Variants in PDE10A observed in about 807,000 individuals in gnomAD.
PDE10A encodes phosphodiesterase 10A.
In PDE10A, 39 loss-of-function variants were observed where a neutral mutation model predicts 97.7. That is an observed-to-expected ratio of 0.40 (90% CI 0.31 to 0.52). The LOEUF (loss-of-function observed/expected upper bound fraction) is 0.52, where lower values mean the gene tolerates loss of function less well. Ranked by LOEUF, PDE10A falls within the 20% of genes least tolerant of loss-of-function variation. The pLI, the probability that PDE10A is intolerant of heterozygous loss-of-function variation, is 0.56. For missense variants in PDE10A, 731 were observed against 1,047.8 expected (o/e 0.70, Z 4.17); for synonymous variants, 371 against 376.8 (o/e 0.98, Z 0.18).
At chr6:165,912,531 G>A (rs990675159) in intron 1 of PDE10A, among the ~76,000 whole-genome samples, 10 of 152,146 alleles carry the variant, frequency 6.6e-5, no homozygotes, top group Non-Finnish European at 1.3e-4. Context: ...GCATTTTCTT[G>A]CCTTTGATGG....
chr6:165,846,087 C>A (rs1013986385), intron 1 of PDE10A, among the ~76,000 whole-genome samples: 2 of 152,204 alleles, frequency 1.3e-5, no homozygotes, highest in African/African-American at 4.8e-5. Context: ...TTTTTGTCAT[C>A]TTTTTGGCAA....
upstream of PDE10A, among the ~76,000 whole-genome samples, chr6:165,667,299 T>C (rs951516156): frequency 6.6e-6 from 1 of 152,180 alleles, no homozygotes; most frequent in African/African-American, 2.4e-5. Context: ...GGTGCACGCA[T>C]TACCCAAGCA....
intron 1 of PDE10A, among the ~76,000 whole-genome samples, chr6:165,684,933 G>A (rs897809834): frequency 2.6e-5 from 4 of 152,196 alleles, no homozygotes; most frequent in Admixed American, 6.5e-5. Flanking sequence ...GTGAGACGTC[G>A]ACTTGACTTC....
At chr6:165,357,854 T>C (rs1783132189) in intron 18 of PDE10A, among the ~76,000 whole-genome samples, 1 of 152,120 alleles carries the variant, frequency 6.6e-6, no homozygotes, top group Admixed American at 6.6e-5. Context: ...TATTGCTCTC[T>C]TATCCAGATT....
At chr6:165,753,206 T>C (rs570707155) in intron 1 of PDE10A, among the ~76,000 whole-genome samples, 2 of 152,342 alleles carry the variant, frequency 1.3e-5, no homozygotes, top group East Asian at 3.9e-4. Flanking sequence ...CAAAACAGTT[T>C]AGCCATTAGA....
At chr6:165,715,787 G>A (rs774776638) in intron 1 of PDE10A, among the ~76,000 whole-genome samples, 5 of 152,134 alleles carry the variant, frequency 3.3e-5, no homozygotes, top group Middle Eastern at 3.2e-3. Flanking sequence ...TCCCTCTTCC[G>A]GGCACCGTGG....
At chr6:165,722,981 G>A (rs964578182) in intron 1 of PDE10A, among the ~76,000 whole-genome samples, 2 of 151,566 alleles carry the variant, frequency 1.3e-5, no homozygotes, top group Non-Finnish European at 1.5e-5. Flanking sequence ...CTACGTTTTT[G>A]TTTGGATTGA....
chr6:165,459,323 T>C (rs1778152652), intron 3 of PDE10A, among the ~76,000 whole-genome samples: 1 of 152,116 alleles, frequency 6.6e-6, no homozygotes, highest in East Asian at 1.9e-4. Flanking sequence ...TTTTCACACG[T>C]CCTAATGATT....
chr6:165,378,507 T>C (rs938534030), intron 18 of PDE10A, among the ~76,000 whole-genome samples: 6 of 152,184 alleles, frequency 3.9e-5, no homozygotes, highest in Non-Finnish European at 8.8e-5. Context: ...TGATCTAATA[T>C]ACAGATGGGT....
At chr6:165,798,336 G>T (rs1769340993) in intron 1 of PDE10A, among the ~76,000 whole-genome samples, 1 of 152,132 alleles carries the variant, frequency 6.6e-6, no homozygotes, top group Admixed American at 6.5e-5. Context: ...GCATTACGGG[G>T]AGAAAGGATA....
At chr6:165,482,081 C>T (rs1298327261) in intron 3 of PDE10A, among the ~76,000 whole-genome samples, 1 of 152,178 alleles carries the variant, frequency 6.6e-6, no homozygotes, top group Non-Finnish European at 1.5e-5. Flanking sequence ...CAGAAAACCC[C>T]ATAGGCACGT....
At chr6:165,439,358 G>C (rs2128242265) in intron 5 of PDE10A, among the ~76,000 whole-genome samples, 1 of 152,264 alleles carries the variant, frequency 6.6e-6, no homozygotes, top group Non-Finnish European at 1.5e-5. Flanking sequence ...TTAGAGGCTA[G>C]AGATAAAAAC....
chr6:165,458,685 T>TCACACA (rs374702289), intron 3 of PDE10A, among the ~76,000 whole-genome samples: 1 of 148,026 alleles, frequency 6.8e-6, no homozygotes, highest in Non-Finnish European at 1.5e-5. Context: ...ACACACACAC[T>TCACACA]CACACACACA....
chr6:165,584,057 T>C (rs1001396511), intron 1 of PDE10A, among the ~76,000 whole-genome samples: 3 of 152,168 alleles, frequency 2.0e-5, no homozygotes, highest in Non-Finnish European at 4.4e-5. Flanking sequence ...TTGATCCTGA[T>C]TGCCAGGAGG....
intron 1 of PDE10A, among the ~76,000 whole-genome samples, chr6:165,549,989 T>C (rs1375704976): frequency 6.6e-6 from 1 of 152,210 alleles, no homozygotes; most frequent in Non-Finnish European, 1.5e-5. Flanking sequence ...TTTGTGTCTG[T>C]ATTAATTTTA....
chr6:165,701,642 C>CACGT (rs1369754991), intron 1 of PDE10A, among the ~76,000 whole-genome samples: 1 of 85,980 alleles, frequency 1.2e-5, no homozygotes, highest in Admixed American at 9.5e-5. Flanking sequence ...GTCTACTCTT[C>CACGT]ATGTATGTGT....
chr6:165,868,538 G>T (rs960850097), intron 1 of PDE10A, among the ~76,000 whole-genome samples: 1 of 151,558 alleles, frequency 6.6e-6, no homozygotes, highest in African/African-American at 2.4e-5. Flanking sequence ...CAACAAAGAA[G>T]AGCCCAGGTC....
intron 18 of PDE10A, among the ~76,000 whole-genome samples, chr6:165,364,959 C>CTATTAATAGTT (rs1192973872): frequency 6.6e-6 from 1 of 151,648 alleles, no homozygotes; most frequent in Non-Finnish European, 1.5e-5. Flanking sequence ...CAGTCAATGC[C>CTATTAATAGTT]CAGATCATAA....
At chr6:165,395,799 C>G (rs894027322) in intron 14 of PDE10A, among the ~76,000 whole-genome samples, 2 of 152,080 alleles carry the variant, frequency 1.3e-5, no homozygotes, top group Admixed American at 1.3e-4. Context: ...CTCTAAGTCA[C>G]TTCTGAAGGT....
Sources: allele counts gnomAD v4.1 joint callset (sites outside exome capture counted in the v4.1 genomes callset), GRCh38; gene constraint gnomAD v4.1.1; transcripts MANE v1.5; gene names NCBI Gene and HGNC (gene_info 2026-07-23, HGNC 2026-07-21).